Variants in SLC24A2 observed in about 807,000 individuals in gnomAD.
SLC24A2 encodes sodium/potassium/calcium exchanger 2.
SLC24A2 carries 36 observed loss-of-function variants against 62.0 expected under a neutral mutation model. The observed-to-expected ratio is 0.58, with a 90% CI of 0.44 to 0.77. The LOEUF (loss-of-function observed/expected upper bound fraction) is 0.77, where lower values mean the gene tolerates loss of function less well. SLC24A2 is among the 30% of genes least tolerant of loss of function. SLC24A2 has a pLI of 0.00. For synonymous variants in SLC24A2, 358 were observed against 294.0 expected (o/e 1.22, Z -2.23); for missense variants, 846 against 817.9 (o/e 1.03, Z -0.42).
the SLC24A2 span, among the ~76,000 whole-genome samples, chr9:19,898,215 G>C: frequency 6.6e-6 from 1 of 152,168 alleles, no homozygotes; most frequent in Non-Finnish European, 1.5e-5. Context: ...GCTTGTGGAA[G>C]GGTCTGTGGA....
chr9:19,665,718 G>A (rs1428692567), intron 2 of SLC24A2, among the ~76,000 whole-genome samples: 1 of 152,052 alleles, frequency 6.6e-6, no homozygotes, highest in Admixed American at 6.5e-5. Flanking sequence ...CTGACCTCCT[G>A]AGCTCAAGTG....
At chr9:20,115,275 G>T in the SLC24A2 span, among the ~76,000 whole-genome samples, 2 of 152,108 alleles carry the variant, frequency 1.3e-5, no homozygotes, top group Admixed American at 6.6e-5. Context: ...GGTAAAGGGA[G>T]AACTTTAATT....
At chr9:19,708,658 G>T (rs567802554) in intron 2 of SLC24A2, among the ~76,000 whole-genome samples, 37 of 152,300 alleles carry the variant, frequency 2.4e-4, no homozygotes, top group African/African-American at 8.4e-4. Context: ...AATGGGGAAA[G>T]GATTCCCTAT....
chr9:19,947,808 A>AAGAGAAAGAAAGAAAGAAAG, the SLC24A2 span, among the ~76,000 whole-genome samples: 1 of 59,226 alleles, frequency 1.7e-5, no homozygotes, highest in Non-Finnish European at 3.1e-5. Flanking sequence ...AAAAAAAAAA[A>AAGAGAAAGAAAGAAAGAAAG]AAAGAAAGAA....
chr9:20,081,427 A>T, the SLC24A2 span, among the ~76,000 whole-genome samples: 1 of 138,230 alleles, frequency 7.2e-6, no homozygotes, highest in South Asian at 2.3e-4. Flanking sequence ...GAATTGAACA[A>T]TGAGAACACT....
chr9:19,545,224 T>C (rs1834491489), intron 8 of SLC24A2, among the ~76,000 whole-genome samples: 1 of 151,874 alleles, frequency 6.6e-6, no homozygotes, highest in South Asian at 2.1e-4. Context: ...GATTCAGCTA[T>C]TTATAGTTGT....
the SLC24A2 span, among the ~76,000 whole-genome samples, chr9:20,047,804 G>T: frequency 1.3e-5 from 2 of 151,476 alleles, no homozygotes; most frequent in African/African-American, 4.9e-5. Context: ...CACCTTGGGG[G>T]TTAGGATTTT....
rs542878119 is a variant in SLC24A2 at position 19,772,093 on chromosome 9, T to C, written c.930+13844A>G. Among the ~76,000 whole-genome samples the C allele has an allele frequency of 5.1e-4, 77 of 152,238 alleles. 1 individual carries two copies. Among genetic ancestry groups the C allele is most frequent in the African/African-American group, 1.8e-3 (75 of 41,532 alleles). ...TAGGGAAGATTTTATGACGAGAAAGTCTTTTAGATAAGGCAGAGAAGAATC... is the reference window on the plus strand; with the variant it reads ...TAGGGAAGATTTTATGACGAGAAAGCCTTTTAGATAAGGCAGAGAAGAATC... On this transcript the variant is annotated intron_variant, in intron 2 of 10. Transcript: ENST00000341998.
At chr9:19,596,540 G>C (rs1349288857) in intron 5 of SLC24A2, among the ~76,000 whole-genome samples, 2 of 152,146 alleles carry the variant, frequency 1.3e-5, no homozygotes, top group Non-Finnish European at 2.9e-5. Context: ...CTGGGACAAG[G>C]CTATGTTCTG....
intron 2 of SLC24A2, among the ~76,000 whole-genome samples, chr9:19,662,954 A>C (rs1819145525): frequency 6.6e-6 from 1 of 152,210 alleles, no homozygotes; most frequent in Non-Finnish European, 1.5e-5. Context: ...TGTCCCTATA[A>C]AATGAATGCA....
At chr9:19,850,964 T>TACATAC in the SLC24A2 span, among the ~76,000 whole-genome samples, 1 of 25,222 alleles carries the variant, frequency 4.0e-5, no homozygotes, top group African/African-American at 1.2e-4. Context: ...TATATATATA[T>TACATAC]ATGTATATAT....
At chr9:20,054,783 G>C in the SLC24A2 span, among the ~76,000 whole-genome samples, 84 of 152,198 alleles carry the variant, frequency 5.5e-4, 1 homozygote, top group African/African-American at 1.9e-3. Context: ...ACTCTAACAT[G>C]GTGAGGAATT....
At chr9:19,759,322 T>C (rs949048339) in intron 2 of SLC24A2, among the ~76,000 whole-genome samples, 2 of 152,192 alleles carry the variant, frequency 1.3e-5, no homozygotes, top group Admixed American at 6.5e-5. Context: ...CCCAGCATTT[T>C]ACCCATTAAA....
chr9:20,131,888 A>G, the SLC24A2 span, among the ~76,000 whole-genome samples: 1 of 152,166 alleles, frequency 6.6e-6, no homozygotes. Context: ...TGATGTATGT[A>G]GCTAATGGGG....
the SLC24A2 span, among the ~76,000 whole-genome samples, chr9:19,938,519 G>C: frequency 6.6e-6 from 1 of 152,078 alleles, no homozygotes; most frequent in Middle Eastern, 3.2e-3. Context: ...AAATTAAAAA[G>C]TTGACTATGG....
the SLC24A2 span, among the ~76,000 whole-genome samples, chr9:20,128,023 T>A: frequency 6.6e-6 from 1 of 152,120 alleles, no homozygotes; most frequent in Non-Finnish European, 1.5e-5. Flanking sequence ...GGAATGCCAA[T>A]TCCATTCCTT....
the SLC24A2 span, among the ~76,000 whole-genome samples, chr9:20,202,319 T>G: frequency 6.6e-6 from 1 of 152,118 alleles, no homozygotes; most frequent in Non-Finnish European, 1.5e-5. Context: ...TCCCCTGAGG[T>G]GATTGTTGTT....
At chr9:19,919,224 C>T in the SLC24A2 span, among the ~76,000 whole-genome samples, 1 of 152,122 alleles carries the variant, frequency 6.6e-6, no homozygotes, top group Non-Finnish European at 1.5e-5. Flanking sequence ...GGGGGTTCAG[C>T]TTAGTAAGCA....
chr9:20,272,592 A>G, the SLC24A2 span, among the ~76,000 whole-genome samples: 1 of 152,224 alleles, frequency 6.6e-6, no homozygotes, highest in African/African-American at 2.4e-5. Flanking sequence ...CTGAGAAACT[A>G]AAACTCCATA....
Sources: allele counts gnomAD v4.1 joint callset (sites outside exome capture counted in the v4.1 genomes callset), GRCh38; gene constraint gnomAD v4.1.1; transcripts MANE v1.5; gene names NCBI Gene and HGNC (gene_info 2026-07-23, HGNC 2026-07-21).